VPS26C: variants seen among roughly 807,000 people sequenced by gnomAD.
VPS26C encodes the protein vacuolar protein sorting-associated protein 26C.
A neutral mutation model predicts 30.6 loss-of-function variants in VPS26C; 19 were observed. The ratio of observed to expected loss-of-function variants is 0.62; its 90% CI spans 0.43 to 0.91. The LOEUF (loss-of-function observed/expected upper bound fraction) is 0.91. Ranked by LOEUF, VPS26C falls within the 40% of genes least tolerant of loss-of-function variation. The pLI is 0.00. For missense variants in VPS26C, 318 were observed against 385.1 expected (o/e 0.83, Z 1.46); for synonymous variants, 132 against 151.5 (o/e 0.87, Z 0.95).
intron 1 of VPS26C, among the ~76,000 whole-genome samples, chr21:37,263,535 C>G (rs570142833): frequency 9.5e-4 from 144 of 152,312 alleles, no homozygotes; most frequent in African/African-American, 3.2e-3. Context: ...AATTCATCAA[C>G]TTGTCTAAGC....
intron 3 of VPS26C, among the ~76,000 whole-genome samples, chr21:37,236,372 A>G (rs1467332080): frequency 6.6e-6 from 1 of 152,222 alleles, no homozygotes; most frequent in Non-Finnish European, 1.5e-5. Flanking sequence ...GAATGGATGG[A>G]TGGATGATGA....
chr21:37,230,289 C>G (rs1029348871), intron 5 of VPS26C, among the ~76,000 whole-genome samples: 2 of 152,210 alleles, frequency 1.3e-5, no homozygotes, highest in Admixed American at 6.5e-5. Context: ...ACATTCAGCT[C>G]AAGATACTGA....
intron 7 of VPS26C, chr21:37,227,394 G>A (rs1602260581): frequency 2.0e-6 from 1 of 498,804 alleles, no homozygotes; most frequent in African/African-American, 1.9e-5. Context: ...GGGTCTGTGT[G>A]TTTCCCCATG....
intron 6 of VPS26C, among the ~76,000 whole-genome samples, chr21:37,228,008 G>A (rs2085920562): frequency 6.6e-6 from 1 of 152,166 alleles, no homozygotes; most frequent in Non-Finnish European, 1.5e-5. Context: ...TTAGAGTCAG[G>A]GTCATGGTCT....
chr21:37,254,359 G>T (rs2086221665), intron 1 of VPS26C, among the ~76,000 whole-genome samples: 1 of 152,152 alleles, frequency 6.6e-6, no homozygotes, highest in Non-Finnish European at 1.5e-5. Context: ...GGTTAGGTGG[G>T]GTGGCTCGCA....
At chr21:37,238,184 C>T in intron 3 of VPS26C, 1 of 395,796 alleles carries the variant, frequency 2.5e-6, no homozygotes, top group South Asian at 3.7e-5. Context: ...TAAAAGCATC[C>T]CTTACAATGT....
rs1042556034 is a variant in VPS26C, at chr21:37,257,904, G to C, written c.57+9334C>G. Reference sequence around the variant, plus strand: ...GGCACCAAGCGGGGAGCGGGGCCACGAGGCAGGGGACAGTGAAGCACCATG... The same window carrying C: ...GGCACCAAGCGGGGAGCGGGGCCACCAGGCAGGGGACAGTGAAGCACCATG... On this transcript the variant is annotated intron_variant, in intron 1 of 7. Coordinates refer to ENST00000309117, the MANE Select transcript of VPS26C (RefSeq NM_006052.2). This position sits in a 1 kb window ranked among gnomAD's most constrained non-coding sequence, Gnocchi z 4.2. Among the ~76,000 whole-genome samples, 2 of 151,760 alleles carry C rather than the reference G, an allele frequency of 1.3e-5. No homozygotes were observed. Among genetic ancestry groups the C allele is most frequent in the Admixed American group, 6.5e-5 (1 of 15,274 alleles).
intron 5 of VPS26C, chr21:37,229,488 C>T (rs2085939549): frequency 6.6e-6 from 1 of 152,168 alleles, no homozygotes; most frequent in African/African-American, 2.4e-5. Flanking sequence ...TGGCATACTA[C>T]TGTCCAACAG....
intron 1 of VPS26C, among the ~76,000 whole-genome samples, chr21:37,259,460 T>C (rs1024701830): frequency 6.6e-6 from 1 of 152,178 alleles, no homozygotes; most frequent in African/African-American, 2.4e-5. Flanking sequence ...ACAATGTCAT[T>C]TTCATGAGTA....
rs2085904762 is a variant in VPS26C, at chr21:37,226,846, C to T, written c.811+808G>A. The T allele has an allele frequency of 6.6e-6, 1 of 152,240 alleles. No individual in the cohort carries two copies. The highest frequency in any genetic ancestry group is 2.1e-4 in the South Asian group (1 of 4,830). The allele number at this position is 152,240 out of a possible 1,614,324, so 9.4% of individuals were successfully genotyped here. A position where few individuals can be genotyped will look rare whatever the true frequency, so the allele number is the denominator to read the frequency against. On this transcript the variant is annotated intron_variant, in intron 7 of 7. Coordinates refer to ENST00000309117, the MANE Select transcript of VPS26C (RefSeq NM_006052.2). The surrounding 1 kb of genome is among the most constrained non-coding windows in gnomAD (Gnocchi z 4.1). ...CCCGAGCCTCTCTGAATCACAGTCC[C>T]CTGCTACTGAGAAGGCTCGGTCCCT...
chr21:37,264,079 T>C (rs2086333600), intron 1 of VPS26C, among the ~76,000 whole-genome samples: 1 of 152,190 alleles, frequency 6.6e-6, no homozygotes, highest in African/African-American at 2.4e-5. Flanking sequence ...TTACAGATCA[T>C]GGAGTCTAGC....
chr21:37,230,407 A>G (rs988426200), intron 5 of VPS26C: 3 of 152,246 alleles, frequency 2.0e-5, no homozygotes, highest in African/African-American at 7.2e-5. Flanking sequence ...GTTCCTGTAA[A>G]GCTGTCTTAT....
chr21:37,249,393 A>G (rs1214493506), intron 1 of VPS26C, among the ~76,000 whole-genome samples: 1 of 152,256 alleles, frequency 6.6e-6, no homozygotes, highest in African/African-American at 2.4e-5. Flanking sequence ...CAGAGAACCC[A>G]ATAGGTATCA....
rs1913222243 is a variant in VPS26C at position 37,226,010 on chromosome 21, CTG to C, written c.812-386_812-385del. On this transcript the variant is annotated intron_variant, in intron 7 of 7. Coordinates refer to ENST00000309117, the MANE Select transcript of VPS26C (RefSeq NM_006052.2). This position sits in a 1 kb window ranked among gnomAD's most constrained non-coding sequence, Gnocchi z 4.1. Reference sequence around the variant, plus strand: ...CTACGGTTCTTAATGAAATAGCAGACTGTGAACCAGCGCATAGCTGTCTGGGC... The same window carrying C: ...CTACGGTTCTTAATGAAATAGCAGACTGAACCAGCGCATAGCTGTCTGGGC... 1 of 221,946 alleles carries C rather than the reference CTG, an allele frequency of 4.5e-6. No homozygotes were observed. Among genetic ancestry groups the C allele is most frequent in the Admixed American group, 4.8e-5 (1 of 20,708 alleles). 13.7% of individuals were successfully genotyped at this position (221,946 alleles called of 1,614,324 possible).
intron 1 of VPS26C, among the ~76,000 whole-genome samples, chr21:37,265,649 T>C (rs1383828264): frequency 6.6e-6 from 1 of 152,220 alleles, no homozygotes; most frequent in Non-Finnish European, 1.5e-5. Flanking sequence ...ACACTGATAT[T>C]TCCGAAGAAT....
chr21:37,225,685 G>A (rs754378069), intron 7 of VPS26C, 59 bp from the exon 8 acceptor site: 26 of 1,424,248 alleles, frequency 1.8e-5, no homozygotes, highest in Admixed American at 5.1e-5. Flanking sequence ...GAAACCACAC[G>A]CCGCCACCAC....
rs752773299 is a variant in VPS26C, at chr21:37,238,498, G to A, written c.313C>T (p.Leu105=). 6.2e-7 allele frequency: 1 copy of A among 1,614,024 alleles called. No homozygotes were observed. The highest frequency in any genetic ancestry group is 1.7e-5 in the Admixed American group (1 of 60,002). ...AACACGCCATGATACGTCTCATACAGAACTTTGTTACCCTTCAAGTGCAGA... is the reference window on the plus strand; with the variant it reads ...AACACGCCATGATACGTCTCATACAAAACTTTGTTACCCTTCAAGTGCAGA... ...FPLHLKGNKV[L]YETYHGVFVN... Residue 105 remains leucine, a synonymous_variant, in exon 3 of 8, where the codon CTG becomes TTG. Transcript: ENST00000309117.
intron 6 of VPS26C, 62 bp downstream of exon 6, chr21:37,228,161 G>T (rs1161884637): frequency 1.9e-6 from 3 of 1,577,116 alleles, no homozygotes; most frequent in African/African-American, 1.3e-5. Context: ...CTTAACCATG[G>T]AACGTGAGGG....
chr21:37,227,596 T>TG, intron 7 of VPS26C, 58 bp downstream of exon 7: 1 of 1,591,858 alleles, frequency 6.3e-7, no homozygotes, highest in Non-Finnish European at 8.6e-7. Flanking sequence ...CAGCAGGCCC[T>TG]GGCGCTGAGC....
Sources: allele counts gnomAD v4.1 joint callset (sites outside exome capture counted in the v4.1 genomes callset), GRCh38; gene constraint gnomAD v4.1.1; non-coding constraint Gnocchi (gnomAD v3.1); transcripts MANE v1.5; gene names NCBI Gene and HGNC (gene_info 2026-07-23, HGNC 2026-07-21).